The following EDNRB variants were observed in gnomAD, a reference collection of about 807,000 sequenced individuals.
EDNRB encodes the protein Hirschsprung disease 2.
EDNRB carries 18 observed loss-of-function variants against 46.4 expected under a neutral mutation model. The observed-to-expected ratio is 0.39, with a 90% CI of 0.27 to 0.57. The LOEUF (loss-of-function observed/expected upper bound fraction) is 0.57, where lower values mean the gene tolerates loss of function less well. Ranked by LOEUF, EDNRB falls within the 20% of genes least tolerant of loss-of-function variation. The pLI is 0.61. For synonymous variants in EDNRB, 213 were observed against 204.9 expected (o/e 1.04, Z -0.34); for missense variants, 434 against 537.5 (o/e 0.81, Z 1.90).
At chr13:77,903,094 GA>G (rs1879082254) in intron 3 of EDNRB, 61 bp downstream of exon 3, 3 of 1,574,872 alleles carry the variant, frequency 1.9e-6, no homozygotes, top group East Asian at 2.3e-5. Context: ...GGGAACAGGG[GA>G]AAAATAGCTA....
At chr13:77,941,275 T>C (rs1880736331) in intron 1 of EDNRB, among the ~76,000 whole-genome samples, 1 of 152,202 alleles carries the variant, frequency 6.6e-6, no homozygotes, top group Non-Finnish European at 1.5e-5. Context: ...TTCAGTGTGA[T>C]AAGAATTAAG....
chr13:77,900,790 T>C (rs1387643354), intron 4 of EDNRB, 136 bp from the exon 5 acceptor site: 1 of 1,327,608 alleles, frequency 7.5e-7, no homozygotes, highest in South Asian at 1.3e-5. Flanking sequence ...GAGCTTTATA[T>C]GGAATAGTTA....
At chr13:77,957,577 C>T (rs1322912629) in intron 1 of EDNRB, among the ~76,000 whole-genome samples, 1 of 152,184 alleles carries the variant, frequency 6.6e-6, no homozygotes, top group Non-Finnish European at 1.5e-5. Context: ...TAATACCTAT[C>T]CTAGAAGGCA....
chr13:77,965,050 T>A (rs550767476), intron 1 of EDNRB, among the ~76,000 whole-genome samples: 8 of 152,318 alleles, frequency 5.3e-5, no homozygotes, highest in African/African-American at 1.9e-4. Flanking sequence ...TTATCATTTC[T>A]TTCCTCCTGT....
rs1879925584 is a variant in EDNRB at position 77,918,386 on chromosome 13, G to T, written c.188C>A (p.Ala63Glu). 1 of 1,604,488 alleles carries T rather than the reference G, an allele frequency of 6.2e-7. No homozygotes were observed. Among genetic ancestry groups the T allele is most frequent in the Non-Finnish European group, 8.5e-7 (1 of 1,173,876 alleles). ...LWPKGSNASL[A>E]RSLAPAEVPK... ...CACCTCCGCAGGTGCCAACGACCGC[G>T]CCAGACTGGCGTTGGAACCCTTGGG... The change falls in exon 1 of 7, where the codon GCG becomes GAG. Residue 63 changes from alanine (A) to glutamate (E), a missense_variant. Ala to Glu is a moderately radical substitution (Grantham distance 107, BLOSUM62 -1). Coordinates refer to ENST00000646607, the MANE Select transcript of EDNRB (RefSeq NM_001122659.3). This position sits in a 1 kb window ranked among gnomAD's most constrained non-coding sequence, Gnocchi z 4.5.
upstream of EDNRB, among the ~76,000 whole-genome samples, chr13:77,922,430 G>T (rs1001395942): frequency 5.3e-5 from 8 of 152,178 alleles, no homozygotes; most frequent in Non-Finnish European, 1.2e-4. Context: ...ACACAAAAAA[G>T]TTAGTACTTT....
rs371401787 is a variant in EDNRB, at chr13:77,926,500, G to A, written c.-51-7876C>T. On this transcript the variant is annotated intron_variant, in intron 1 of 7. Coordinates refer to the EDNRB transcript ENST00000646948. Reference sequence around the variant, plus strand: ...GTCTCTTTGCTAAAATATAATGAGAGTCACCTTTGCTCCAGTTCCCAACAA... The same window carrying A: ...GTCTCTTTGCTAAAATATAATGAGAATCACCTTTGCTCCAGTTCCCAACAA... Among the ~76,000 whole-genome samples, 15 of 152,192 alleles carry A rather than the reference G, an allele frequency of 9.9e-5. No homozygotes were observed. The East Asian group carries it at 2.9e-3, about 29-fold the overall frequency.
intron 1 of EDNRB, among the ~76,000 whole-genome samples, chr13:77,954,286 G>T (rs138161657): frequency 6.6e-6 from 1 of 151,906 alleles, no homozygotes; most frequent in East Asian, 1.9e-4. Flanking sequence ...CTCCTTATAT[G>T]CCCCTTCTCC....
At chr13:77,920,860 A>G (rs1308549224), upstream of EDNRB, among the ~76,000 whole-genome samples, 1 of 152,036 alleles carries the variant, frequency 6.6e-6, no homozygotes, top group African/African-American at 2.4e-5. Flanking sequence ...TGCTTAGTTG[A>G]CTCCACCCAG....
At chr13:77,932,152 G>A (rs1023824538) in intron 1 of EDNRB, among the ~76,000 whole-genome samples, 4 of 152,052 alleles carry the variant, frequency 2.6e-5, no homozygotes, top group Non-Finnish European at 4.4e-5. Context: ...TGGCTGCCTC[G>A]GAAGAGGAAG....
At chr13:77,937,060 T>G (rs995722325) in intron 1 of EDNRB, among the ~76,000 whole-genome samples, 28 of 152,166 alleles carry the variant, frequency 1.8e-4, no homozygotes, top group Non-Finnish European at 5.9e-5. Context: ...GATTGGGTGA[T>G]AAAATGCATA....
intron 1 of EDNRB, among the ~76,000 whole-genome samples, chr13:77,951,627 A>G (rs931468431): frequency 3.3e-5 from 5 of 152,214 alleles, no homozygotes; most frequent in African/African-American, 1.2e-4. Flanking sequence ...AGGCTGATGA[A>G]TACGAACAGC....
intron 1 of EDNRB, among the ~76,000 whole-genome samples, chr13:77,955,185 A>T (rs565382756): frequency 2.6e-5 from 4 of 152,260 alleles, no homozygotes; most frequent in South Asian, 2.1e-4. Flanking sequence ...ATATATGATG[A>T]TATCTCATTG....
chr13:77,947,385 C>T (rs1880957505), intron 1 of EDNRB: 1 of 152,000 alleles, frequency 6.6e-6, no homozygotes, highest in South Asian at 2.1e-4. Flanking sequence ...ATCCACCTTC[C>T]TCGGCCTCCC....
At chr13:77,946,598 A>C (rs964828169) in intron 1 of EDNRB, among the ~76,000 whole-genome samples, 2 of 152,086 alleles carry the variant, frequency 1.3e-5, no homozygotes, top group African/African-American at 4.8e-5. Context: ...AGTGATTTCA[A>C]CTCTATGTTG....
chr13:77,957,337 C>T (rs867132144), intron 1 of EDNRB, among the ~76,000 whole-genome samples: 30 of 152,058 alleles, frequency 2.0e-4, no homozygotes, highest in African/African-American at 7.2e-4. Context: ...TATGTGATAG[C>T]GTTAACAGAC....
chr13:77,915,904 G>A (rs1198024877), intron 1 of EDNRB, among the ~76,000 whole-genome samples: 1 of 152,202 alleles, frequency 6.6e-6, no homozygotes, highest in African/African-American at 2.4e-5. Flanking sequence ...ACTTCCTAGG[G>A]AAATCATATG....
chr13:77,952,552 T>C (rs947732298), intron 1 of EDNRB, among the ~76,000 whole-genome samples: 1 of 152,136 alleles, frequency 6.6e-6, no homozygotes, highest in African/African-American at 2.4e-5. Context: ...GTTGCTCTGG[T>C]TTGAATGCCT....
intron 6 of EDNRB, 52 bp from the exon 7 acceptor site, chr13:77,898,386 A>G (rs55984611): frequency 1.6e-4 from 254 of 1,606,818 alleles, no homozygotes; most frequent in Non-Finnish European, 2.0e-4. Flanking sequence ...ACCTTTCCCA[A>G]CTCTTCCTCC....
Sources: allele counts gnomAD v4.1 joint callset (sites outside exome capture counted in the v4.1 genomes callset), GRCh38; gene constraint gnomAD v4.1.1; non-coding constraint Gnocchi (gnomAD v3.1); transcripts MANE v1.5; gene names NCBI Gene and HGNC (gene_info 2026-07-23, HGNC 2026-07-21).